FECH: variants seen among roughly 807,000 people sequenced by gnomAD.
FECH encodes ferrochelatase, also known as ferrochelatase, mitochondrial.
FECH carries 40 observed loss-of-function variants against 56.9 expected under a neutral mutation model. The ratio of observed to expected loss-of-function variants is 0.70; its 90% CI spans 0.55 to 0.92. The LOEUF is 0.92. Among genes scored for constraint, FECH ranks in the 40% least tolerant of loss-of-function variants. The pLI, the probability that FECH is intolerant of heterozygous loss-of-function variation, is 0.00. For missense variants in FECH, 431 were observed against 529.1 expected, an observed-to-expected ratio of 0.81 and a Z score of 1.82; for synonymous variants, 175 against 198.6, an observed-to-expected ratio of 0.88 and a Z score of 1.00.
chr18:57,552,832 C>G (rs1485590006), intron 9 of FECH, among the ~76,000 whole-genome samples: 2 of 152,196 alleles, frequency 1.3e-5, no homozygotes, highest in Non-Finnish European at 2.9e-5. Context: ...TCAGTTACAA[C>G]AGAATAACCA....
At chr18:57,573,153 T>A (rs1457187489) in intron 3 of FECH, 93 bp downstream of exon 3, 6 of 1,265,066 alleles carry the variant, frequency 4.7e-6, no homozygotes, top group Non-Finnish European at 5.8e-6. Context: ...CAGATACGCA[T>A]TAAAACTATT....
At chr18:57,561,974 T>C (rs1189802445) in intron 6 of FECH, among the ~76,000 whole-genome samples, 2 of 152,226 alleles carry the variant, frequency 1.3e-5, no homozygotes, top group African/African-American at 2.4e-5. Context: ...TTTACATGCC[T>C]AAGGAACACT....
At chr18:57,564,751 C>T (rs1033305370) in intron 5 of FECH, among the ~76,000 whole-genome samples, 1 of 152,158 alleles carries the variant, frequency 6.6e-6, no homozygotes, top group East Asian at 1.9e-4. Flanking sequence ...CGTTACAGAC[C>T]GCACTTCACA....
chr18:57,576,215 T>C (rs2051184310), intron 2 of FECH, among the ~76,000 whole-genome samples: 1 of 152,096 alleles, frequency 6.6e-6, no homozygotes, highest in African/African-American at 2.4e-5. Context: ...AATGCCCCCT[T>C]CCCCCTATTG....
rs576739623 is a variant in FECH, at chr18:57,545,486, C to T, written c.*5226G>A. 6.6e-6 allele frequency among the ~76,000 whole-genome samples: 1 copy of T among 152,292 alleles called. No homozygotes were observed. The highest frequency in any genetic ancestry group is 2.1e-4 in the South Asian group (1 of 4,826). On this transcript the variant is annotated 3_prime_UTR_variant, in exon 11 of 11. Coordinates refer to ENST00000262093, the MANE Select transcript of FECH (RefSeq NM_000140.5). ...ATCAAAAGCAAAAGCATTTCTTTCT[C>T]TCACGGGACCCCAGAATAGGAGGAA...
In FECH at chr18:57,550,445, C is replaced by T. The variant is rs2050782131; in HGVS notation, c.*267G>A. On this transcript the variant is annotated 3_prime_UTR_variant, in exon 11 of 11. Transcript: ENST00000262093. ...TGTGTCTCATAAGACAAATTTTTAA[C>T]TCATTTATTAAAGGTCCTGATGGAC... 2.4e-6 allele frequency: 1 copy of T among 413,786 alleles called. No individual in the cohort carries two copies. Among genetic ancestry groups the T allele is most frequent in the South Asian group, 2.6e-5 (1 of 38,212 alleles). The allele number at this position is 413,786 out of a possible 1,614,324, so 25.6% of individuals were successfully genotyped here. A position where few individuals can be genotyped will look rare whatever the true frequency, so the allele number is the denominator to read the frequency against.
rs1274968826 is a variant in FECH, at chr18:57,547,287, T to C, written c.*3425A>G. Among the ~76,000 whole-genome samples, 1 of 152,104 alleles carries C rather than the reference T, an allele frequency of 6.6e-6. No homozygotes were observed. Among genetic ancestry groups the C allele is most frequent in the Non-Finnish European group, 1.5e-5 (1 of 68,034 alleles). On this transcript the variant is annotated 3_prime_UTR_variant, in exon 11 of 11. Coordinates refer to ENST00000262093, the MANE Select transcript of FECH (RefSeq NM_000140.5). Reference sequence around the variant, plus strand: ...TTTGAAATGTAAAAAGGACATGTGATTTGGGAGGGGCCAGGGTGGAATGAT... The same window carrying C: ...TTTGAAATGTAAAAAGGACATGTGACTTGGGAGGGGCCAGGGTGGAATGAT...
chr18:57,551,099 T>A (rs2050791417), intron 10 of FECH: 2 of 636,670 alleles, frequency 3.1e-6, no homozygotes, highest in Non-Finnish European at 5.4e-6. Context: ...GGAAAGCAGG[T>A]TTTAAATCAG....
In FECH at chr18:57,554,859, C is replaced by G. The variant is rs775022566; in HGVS notation, c.898G>C (p.Val300Leu). Residue 300 changes from valine to leucine, a missense_variant, in exon 8 of 11, where the codon GTG (valine) becomes CTG (leucine). Transcript: ENST00000262093. ...RLEYCNPYRLVWQSKVGPMPW... is the reference protein window; with the variant it reads ...RLEYCNPYRLLWQSKVGPMPW... ...AAGCCACTTACCTTGGATTGCCACA[C>G]CAGTCGGTAGGGGTTGCAGTACTCC... 2.5e-6 allele frequency: 4 copies of G among 1,614,016 alleles called. No homozygotes were observed. The highest frequency in any genetic ancestry group is 1.7e-5 in the Admixed American group (1 of 60,012).
At chr18:57,575,860 T>C (rs764474113) in intron 2 of FECH, among the ~76,000 whole-genome samples, 7 of 152,180 alleles carry the variant, frequency 4.6e-5, no homozygotes, top group Non-Finnish European at 1.0e-4. Context: ...GTGGATGAGG[T>C]AAAAATCTGA....
rs771969391 is a variant in FECH at position 57,573,239 on chromosome 18, A to C, written c.314+7T>G. 3 of 1,612,718 alleles carry C rather than the reference A, an allele frequency of 1.9e-6. No individual in the cohort carries two copies. Among genetic ancestry groups the C allele is most frequent in the Non-Finnish European group, 2.5e-6 (3 of 1,178,788 alleles). On this transcript the variant is annotated splice_region_variant and intron_variant, in intron 3 of 10. Transcript: ENST00000262093. ...GGTTATAATTGAGGTGTTTATATATATCTCACTTCTGAATAGGAAGTGTCA... is the reference window on the plus strand; with the variant it reads ...GGTTATAATTGAGGTGTTTATATATCTCTCACTTCTGAATAGGAAGTGTCA...
In FECH at chr18:57,580,087, A is replaced by C; in HGVS notation, c.180T>G (p.Val60=). The C allele has an allele frequency of 6.2e-7, 1 of 1,614,046 alleles. No individual in the cohort carries two copies. The highest frequency in any genetic ancestry group is 8.5e-7 in the Non-Finnish European group (1 of 1,180,012). ...TAGACTCATACCTCTTCTGCGGTTG[A>C]ACTTGAGGTTTTGCACCCTGGGCAT... ...AQHAQGAKPQ[V]QPQKRKPKTG... Residue 60 remains valine, a synonymous_variant, in exon 2 of 11, where the codon GTT becomes GTG. Transcript: ENST00000262093.
At chr18:57,567,893 G>A (rs950532021) in intron 4 of FECH, 2 of 152,146 alleles carry the variant, frequency 1.3e-5, no homozygotes, top group African/African-American at 4.8e-5. Context: ...AAAAGAAGAA[G>A]GAAGTAAAAC....
chr18:57,562,114 A>T (rs2050952965), intron 6 of FECH, among the ~76,000 whole-genome samples: 1 of 152,210 alleles, frequency 6.6e-6, no homozygotes, highest in Non-Finnish European at 1.5e-5. Context: ...ACGTTCAAGG[A>T]GTGAAAAATA....
intron 7 of FECH, 21 bp from the exon 8 acceptor site, chr18:57,554,973 G>A (rs1313781461): frequency 2.5e-6 from 4 of 1,588,932 alleles, no homozygotes; most frequent in Non-Finnish European, 2.6e-6. Context: ...GACACAATGG[G>A]TGTTCAGCCA....
At position 57,571,514 on chromosome 18, in the gene FECH, C is replaced by A. The variant is rs753324675; in HGVS notation, c.341G>T (p.Arg114Leu). The A allele has an allele frequency of 2.5e-6, 4 of 1,613,752 alleles. No homozygotes were observed. Among genetic ancestry groups the A allele is most frequent in the East Asian group, 2.2e-5 (1 of 44,862 alleles). Residue 114 changes from arginine to leucine, a missense_variant, in exon 4 of 11, where the codon CGC becomes CTC. Arg to Leu is a moderately radical substitution (Grantham distance 102). Coordinates refer to ENST00000262093, the MANE Select transcript of FECH (RefSeq NM_000140.5). ...CTGCTCTTGAATCTTGGGGGTTCGGCGTTTGGCGATGAATGGTGCCAGCTT... is the reference window on the plus strand; with the variant it reads ...CTGCTCTTGAATCTTGGGGGTTCGGAGTTTGGCGATGAATGGTGCCAGCTT... ...QNKLAPFIAK[R>L]RTPKIQEQYR... is the part of the protein sequence containing the mutation.
rs771713777 is a variant in FECH, at chr18:57,550,855, T to A, written c.1138-9A>T. On this transcript the variant is annotated splice_polypyrimidine_tract_variant and intron_variant, in intron 10 of 10. Coordinates refer to ENST00000262093, the MANE Select transcript of FECH (RefSeq NM_000140.5). ...ACCAAGTCGGCCAGGGCCTGGAAGA[T>A]AGACAAGAGGCAAAGACGCATGAGA... 1.9e-6 allele frequency: 3 copies of A among 1,613,192 alleles called. No individual in the cohort carries two copies. The highest frequency in any genetic ancestry group is 2.5e-6 in the Non-Finnish European group (3 of 1,180,002).
intron 4 of FECH, among the ~76,000 whole-genome samples, chr18:57,567,358 C>G (rs779787743): frequency 1.3e-5 from 2 of 152,186 alleles, no homozygotes. Context: ...CTTTCCCTGT[C>G]CCTTCCCTGT....
chr18:57,550,368 AC>A lies in FECH; in HGVS notation c.*343del. ...CCAGCCCACAGAGGGGACTCTCCGT[AC>A]CCTTTCAGGAGGGTTTTGGGCAATA... On this transcript the variant is annotated 3_prime_UTR_variant, in exon 11 of 11. Transcript: ENST00000262093. The A allele has an allele frequency of 3.4e-6, 1 of 297,442 alleles. No individual in the cohort carries two copies. Among genetic ancestry groups the A allele is most frequent in the South Asian group, 3.6e-5 (1 of 27,480 alleles). The allele number at this position is 297,442 out of a possible 1,614,324, so 18.4% of individuals were successfully genotyped here.
Sources: gnomAD v4.1 joint callset for allele counts (sites outside exome capture counted in the v4.1 genomes callset) on GRCh38, gnomAD v4.1.1 for gene constraint, MANE v1.5 for transcripts, NCBI Gene and HGNC (gene_info 2026-07-23, HGNC 2026-07-21) for gene names.